DMRT1: variants seen among roughly 807,000 people sequenced by gnomAD.
DMRT1 encodes doublesex- and mab-3-related transcription factor 1.
Under a neutral mutation model 32.3 loss-of-function variants are expected in DMRT1, and 7 were observed. That is an observed-to-expected ratio of 0.22 (90% CI 0.12 to 0.41). DMRT1 has a LOEUF of 0.41. Ranked by LOEUF, DMRT1 falls within the 10% of genes least tolerant of loss-of-function variation. DMRT1 has a pLI of 1.00. For missense variants in DMRT1, 625 were observed against 500.5 expected (o/e 1.25, Z -2.37); for synonymous variants, 278 against 206.1 (o/e 1.35, Z -2.99).
chr9:934,599 A>G (rs1315293213), intron 4 of DMRT1, among the ~76,000 whole-genome samples: 1 of 152,208 alleles, frequency 6.6e-6, no homozygotes, highest in East Asian at 1.9e-4. Flanking sequence ...TTGTCTTCTA[A>G]GCATTTTATA....
chr9:864,108 C>G (rs116559616), intron 2 of DMRT1, among the ~76,000 whole-genome samples: 3,243 of 152,242 alleles, frequency 0.021, 119 homozygotes, highest in African/African-American at 0.074. Context: ...AACTTTTCCA[C>G]TTCCTGTTGG....
intron 4 of DMRT1, among the ~76,000 whole-genome samples, chr9:946,132 T>C (rs1008716393): frequency 6.6e-6 from 1 of 151,816 alleles, no homozygotes; most frequent in Non-Finnish European, 1.5e-5. Context: ...TTTTTCTTTC[T>C]TTCTTTTTTT....
intron 4 of DMRT1, among the ~76,000 whole-genome samples, chr9:961,008 C>T (rs1422886349): frequency 6.6e-6 from 1 of 152,108 alleles, no homozygotes; most frequent in East Asian, 1.9e-4. Context: ...CTTAATGGGG[C>T]CCCACGCCTT....
At chr9:851,320 C>A (rs1033048517) in intron 2 of DMRT1, among the ~76,000 whole-genome samples, 3 of 152,106 alleles carry the variant, frequency 2.0e-5, no homozygotes, top group African/African-American at 7.2e-5. Flanking sequence ...CTCACTGCAA[C>A]CTCCACCTCC....
intron 4 of DMRT1, among the ~76,000 whole-genome samples, chr9:922,236 C>G (rs1417873042): frequency 6.6e-6 from 1 of 152,014 alleles, no homozygotes; most frequent in Non-Finnish European, 1.5e-5. Context: ...GCCAAAGTAC[C>G]AGACCACGGT....
chr9:852,293 G>GA (rs35682202), intron 2 of DMRT1, among the ~76,000 whole-genome samples: 101,788 of 147,816 alleles, frequency 0.69, 35,670 homozygotes, highest in Middle Eastern at 0.77. Context: ...GGAGTATTCA[G>GA]AAAAAAAAAA....
At chr9:872,034 A>T (rs1239558677) in intron 2 of DMRT1, among the ~76,000 whole-genome samples, 1 of 151,368 alleles carries the variant, frequency 6.6e-6, no homozygotes, top group Non-Finnish European at 1.5e-5. Context: ...AAAATAACTT[A>T]CTGAGGTATA....
intron 2 of DMRT1, among the ~76,000 whole-genome samples, chr9:870,377 C>T (rs1440077012): frequency 1.3e-5 from 2 of 150,774 alleles, no homozygotes; most frequent in Admixed American, 1.3e-4. Flanking sequence ...CCAGCTTGGA[C>T]AACAAGAATG....
chr9:883,054 G>A (rs1353924046), intron 2 of DMRT1, among the ~76,000 whole-genome samples: 2 of 151,822 alleles, frequency 1.3e-5, no homozygotes, highest in Non-Finnish European at 2.9e-5. Context: ...TTACAGGCAT[G>A]AGCCACCAAG....
At chr9:888,643 C>T (rs570804487) in intron 2 of DMRT1, among the ~76,000 whole-genome samples, 1 of 151,610 alleles carries the variant, frequency 6.6e-6, no homozygotes, top group African/African-American at 2.4e-5. Flanking sequence ...ACTGTCACAG[C>T]GATGCAGTCA....
At chr9:853,178 C>G (rs540286298) in intron 2 of DMRT1, among the ~76,000 whole-genome samples, 12 of 152,228 alleles carry the variant, frequency 7.9e-5, no homozygotes, top group African/African-American at 2.2e-4. Flanking sequence ...CATGCAGAGC[C>G]TCTCCCACAT....
chr9:863,638 C>T lies in DMRT1; in HGVS notation c.538+16495C>T, dbSNP rs1205816496. Among the ~76,000 whole-genome samples the T allele has an allele frequency of 1.2e-4, 18 of 152,294 alleles. No individual in the cohort carries two copies. The South Asian group carries it at 3.5e-3, about 30-fold the overall frequency. On this transcript the variant is annotated intron_variant, in intron 2 of 4. Transcript: ENST00000382276. ...CTAGAGGCTCCAGAAAGAAATGCAG[C>T]CCCACAGACACCTTGACAGAGACTG...
chr9:848,621 T>C (rs1257017237), intron 2 of DMRT1, among the ~76,000 whole-genome samples: 2 of 149,768 alleles, frequency 1.3e-5, no homozygotes, highest in African/African-American at 2.5e-5. Context: ...TGGTGTGATC[T>C]TGGCTCACTG....
intron 1 of DMRT1, 45 bp from the exon 2 acceptor site, chr9:846,915 T>C (rs373112820): frequency 8.7e-6 from 14 of 1,612,708 alleles, no homozygotes; most frequent in African/African-American, 2.7e-5. Flanking sequence ...TTGGCAAAGC[T>C]GATTCTGGAG....
At chr9:910,789 G>A (rs75283472) in intron 3 of DMRT1, among the ~76,000 whole-genome samples, 6,287 of 151,988 alleles carry the variant, frequency 0.041, 323 homozygotes, top group East Asian at 0.17. Flanking sequence ...GGGTAATAAC[G>A]TATAAAACAT....
chr9:922,483 G>T (rs1204303186), intron 4 of DMRT1, among the ~76,000 whole-genome samples: 1 of 152,196 alleles, frequency 6.6e-6, no homozygotes, highest in Non-Finnish European at 1.5e-5. Context: ...TTTAACAGAT[G>T]CACCTCTGTC....
intron 4 of DMRT1, among the ~76,000 whole-genome samples, chr9:928,231 A>C (rs1471091392): frequency 6.6e-6 from 1 of 152,200 alleles, no homozygotes; most frequent in Admixed American, 6.5e-5. Context: ...TAAAAAAATA[A>C]TATTCAGAGA....
chr9:894,673 C>G (rs1315956962), intron 3 of DMRT1: 1 of 262,832 alleles, frequency 3.8e-6, no homozygotes, highest in East Asian at 9.4e-5. Flanking sequence ...GGGAAGGAAA[C>G]AGGTCATAAT....
intron 2 of DMRT1, among the ~76,000 whole-genome samples, chr9:884,373 A>AG: frequency 6.6e-6 from 1 of 151,920 alleles, no homozygotes; most frequent in South Asian, 2.1e-4. Context: ...TAGTGCAAAA[A>AG]AAAAAAAAAA....
Sources: gnomAD v4.1 joint callset for allele counts (sites outside exome capture counted in the v4.1 genomes callset) on GRCh38, gnomAD v4.1.1 for gene constraint, MANE v1.5 for transcripts, NCBI Gene and HGNC (gene_info 2026-07-23, HGNC 2026-07-21) for gene names.